Variants in HMCN1 observed in about 807,000 individuals in gnomAD.
HMCN1 encodes hemicentin-1.
A neutral mutation model predicts 625.9 loss-of-function variants in HMCN1; 321 were observed. That is an observed-to-expected ratio of 0.51 (90% CI 0.47 to 0.56). The LOEUF is 0.56. Ranked by LOEUF, HMCN1 falls within the 20% of genes least tolerant of loss-of-function variation. The pLI is 0.00. For synonymous variants in HMCN1, 2,425 were observed against 2,417.6 expected, an observed-to-expected ratio of 1.00 and a Z score of -0.09; for missense variants, 6,588 against 6,887.3, an observed-to-expected ratio of 0.96 and a Z score of 1.54.
intron 55 of HMCN1, among the ~76,000 whole-genome samples, chr1:186,079,001 C>T (rs1658999811): frequency 6.6e-6 from 1 of 152,212 alleles, no homozygotes; most frequent in Admixed American, 6.5e-5. Context: ...GAAGGAATAT[C>T]TTGGACCACC....
chr1:185,870,050 G>T, intron 4 of HMCN1, among the ~76,000 whole-genome samples: 1 of 147,668 alleles, frequency 6.8e-6, no homozygotes, highest in African/African-American at 2.5e-5. Flanking sequence ...AAAAAACAAT[G>T]ATTAAGTAGA....
intron 4 of HMCN1, among the ~76,000 whole-genome samples, chr1:185,893,907 A>G (rs549529379): frequency 1.4e-4 from 21 of 152,268 alleles, no homozygotes; most frequent in African/African-American, 5.1e-4. Flanking sequence ...CCAGGACTCC[A>G]TAAAACCGTC....
chr1:185,980,249 A>G (rs1190542372), intron 16 of HMCN1, among the ~76,000 whole-genome samples: 1 of 152,198 alleles, frequency 6.6e-6, no homozygotes, highest in African/African-American at 2.4e-5. Flanking sequence ...TGGCATCATT[A>G]TGAATTCAAT....
chr1:186,110,341 G>GA (rs1481220186), intron 71 of HMCN1, among the ~76,000 whole-genome samples: 1 of 151,946 alleles, frequency 6.6e-6, no homozygotes, highest in South Asian at 2.1e-4. Context: ...GTGAGCATAG[G>GA]AAAAAAAGAA....
chr1:186,119,117 A>G lies in HMCN1; in HGVS notation c.11849-74A>G, dbSNP rs1357754656. 9 of 1,101,884 alleles carry G rather than the reference A, an allele frequency of 8.2e-6. No individual in the cohort carries two copies. In the Admixed American group the frequency reaches 1.5e-4, roughly 19 times the overall value. The allele number at this position is 1,101,884 out of a possible 1,614,324, so 68.3% of individuals were successfully genotyped here. ...CCATGCTATTTGCAGAAAACACACAAAAGAGAGTCAAATTTTATTGAACTA... is the reference window on the plus strand; with the variant it reads ...CCATGCTATTTGCAGAAAACACACAGAAGAGAGTCAAATTTTATTGAACTA... On this transcript the variant is annotated intron_variant, in intron 77 of 106. Coordinates refer to ENST00000271588, the MANE Select transcript of HMCN1 (RefSeq NM_031935.3).
At chr1:186,137,712 T>A (rs1266928640) in intron 88 of HMCN1, 44 bp downstream of exon 88, 1 of 1,613,742 alleles carries the variant, frequency 6.2e-7, no homozygotes, top group Non-Finnish European at 8.5e-7. Flanking sequence ...TTAATAGACC[T>A]TCATTTCTGT....
chr1:185,781,172 T>C (rs993609166), intron 1 of HMCN1, among the ~76,000 whole-genome samples: 6 of 152,226 alleles, frequency 3.9e-5, no homozygotes, highest in Non-Finnish European at 5.9e-5. Flanking sequence ...GTAGTTTGTA[T>C]TTCTGTGCAA....
intron 11 of HMCN1, among the ~76,000 whole-genome samples, chr1:185,937,867 C>T (rs966351159): frequency 4.1e-5 from 6 of 147,572 alleles, no homozygotes; most frequent in Admixed American, 6.8e-5. Flanking sequence ...GGCAACAGAG[C>T]GAGACTCCAT....
rs1445489863 is a variant in HMCN1 at position 185,977,769 on chromosome 1, G to C, written c.2372-18G>C. On this transcript the variant is annotated intron_variant, in intron 15 of 106. Coordinates refer to ENST00000271588, the MANE Select transcript of HMCN1 (RefSeq NM_031935.3). ...ATAATATACCGATGACTTATTTGTTGTTTGTAATGTCTTCCAGCACCTCCA... is the reference window on the plus strand; with the variant it reads ...ATAATATACCGATGACTTATTTGTTCTTTGTAATGTCTTCCAGCACCTCCA... 6.4e-7 allele frequency: 1 copy of C among 1,558,904 alleles called. No homozygotes were observed. Among genetic ancestry groups the C allele is most frequent in the Non-Finnish European group, 8.8e-7 (1 of 1,130,334 alleles).
chr1:186,155,199 G>A (rs1427190281), intron 97 of HMCN1, among the ~76,000 whole-genome samples: 1 of 152,046 alleles, frequency 6.6e-6, no homozygotes, highest in Non-Finnish European at 1.5e-5. Context: ...CCTTCAACTT[G>A]TATCAGAACT....
At chr1:185,809,445 A>AAC (rs144478063) in intron 1 of HMCN1, among the ~76,000 whole-genome samples, 4,660 of 151,980 alleles carry the variant, frequency 0.031, 253 homozygotes, top group African/African-American at 0.11. Context: ...TATATACTAT[A>AAC]ACATAGTATG....
intron 68 of HMCN1, among the ~76,000 whole-genome samples, chr1:186,096,935 ACAC>A: frequency 6.6e-6 from 1 of 152,304 alleles, no homozygotes; most frequent in South Asian, 2.1e-4. Context: ...AGCTAACATC[ACAC>A]TAAACAGGAA....
chr1:186,048,054 C>CT (rs1185925660), intron 41 of HMCN1, among the ~76,000 whole-genome samples: 2 of 152,000 alleles, frequency 1.3e-5, no homozygotes, highest in African/African-American at 2.4e-5. Flanking sequence ...TTATTAAATT[C>CT]TTTTTTATGT....
chr1:186,087,905 A>T (rs749651874), intron 60 of HMCN1, 27 bp from the exon 61 acceptor site: 2 of 1,574,776 alleles, frequency 1.3e-6, no homozygotes, highest in East Asian at 2.2e-5. Flanking sequence ...TTAATGGAGC[A>T]CATACAATAG....
At chr1:185,864,010 T>A (rs914813589) in intron 2 of HMCN1, among the ~76,000 whole-genome samples, 2 of 152,174 alleles carry the variant, frequency 1.3e-5, no homozygotes, top group African/African-American at 4.8e-5. Flanking sequence ...TAGCCATGAG[T>A]GCAAGCAAGT....
rs770310746 is a variant in HMCN1 at position 186,048,828 on chromosome 1, T to C, written c.6566T>C (p.Val2189Ala). 1.2e-6 allele frequency: 2 copies of C among 1,604,150 alleles called. No homozygotes were observed. The highest frequency in any genetic ancestry group is 1.7e-5 in the Admixed American group (1 of 59,918). Residue 2189 changes from valine (V) to alanine (A), a missense_variant, in exon 42 of 107, where the codon GTC (valine) becomes GCC (alanine). By Grantham distance (64) the Val-to-Ala change is moderately conservative. Transcript: ENST00000271588. ...VAGKTEKNYN[V>A]NIWVPPNIGG... is the part of the protein sequence containing the mutation. ...GGAAAAACTGAAAAAAACTACAATGTCAACATTTGGGGTAAGTGTAATCAG... is the reference window on the plus strand; with the variant it reads ...GGAAAAACTGAAAAAAACTACAATGCCAACATTTGGGGTAAGTGTAATCAG...
At chr1:185,849,488 C>T (rs1428812051) in intron 2 of HMCN1, among the ~76,000 whole-genome samples, 4 of 152,128 alleles carry the variant, frequency 2.6e-5, no homozygotes, top group Admixed American at 6.6e-5. Flanking sequence ...GCATATAGAA[C>T]ATGTTCACTT....
chr1:186,109,342 G>C lies in HMCN1; in HGVS notation c.10989+745G>C, dbSNP rs12728547. ...CCAAACCACACAAACACCAAACATG[G>C]AGAGGCCAGGTTCTGAGAGTTACTA... is the stretch of plus-strand genomic sequence containing the variant. On this transcript the variant is annotated intron_variant, in intron 71 of 106. Coordinates refer to ENST00000271588, the MANE Select transcript of HMCN1 (RefSeq NM_031935.3). Among the ~76,000 whole-genome samples, 162 of 152,188 alleles carry C rather than the reference G, an allele frequency of 1.1e-3. 3 individuals are homozygous for C. In the East Asian group the frequency reaches 0.028, roughly 27 times the overall value.
chr1:186,107,950 G>A (rs1660693643), intron 70 of HMCN1, among the ~76,000 whole-genome samples: 1 of 148,480 alleles, frequency 6.7e-6, no homozygotes, highest in African/African-American at 2.5e-5. Context: ...CATTCTCATA[G>A]CCTAAATGAC....
Sources: allele counts gnomAD v4.1 joint callset (sites outside exome capture counted in the v4.1 genomes callset), GRCh38; gene constraint gnomAD v4.1.1; transcripts MANE v1.5; gene names NCBI Gene and HGNC (gene_info 2026-07-23, HGNC 2026-07-21).